UHRF2: variants seen among roughly 807,000 people sequenced by gnomAD.
UHRF2 encodes the protein ubiquitin like with PHD and ring finger domains 2.
A neutral mutation model predicts 96.8 loss-of-function variants in UHRF2; 23 were observed. That is an observed-to-expected ratio of 0.24 (90% confidence interval 0.17 to 0.34). The LOEUF (loss-of-function observed/expected upper bound fraction) is 0.34. Among genes scored for constraint, UHRF2 ranks in the 10% least tolerant of loss-of-function variants. UHRF2 has a pLI of 1.00. For synonymous variants in UHRF2, 385 were observed against 332.6 expected, an observed-to-expected ratio of 1.16 and a Z score of -1.72; for missense variants, 685 against 981.5, an observed-to-expected ratio of 0.70 and a Z score of 4.04.
At chr9:6,457,591 C>G (rs1822258549) in intron 3 of UHRF2, among the ~76,000 whole-genome samples, 1 of 152,166 alleles carries the variant, frequency 6.6e-6, no homozygotes. Context: ...TGCCAGTTTT[C>G]CAAGGGAATT....
intron 10 of UHRF2, chr9:6,496,307 G>T (rs1824962570): frequency 6.6e-6 from 1 of 152,042 alleles, no homozygotes; most frequent in African/African-American, 2.4e-5. Flanking sequence ...TAAGACGTAG[G>T]TGTCCTAGAG....
chr9:6,505,989 G>C, intron 15 of UHRF2, 44 bp from the exon 16 acceptor site: 1 of 1,608,262 alleles, frequency 6.2e-7, no homozygotes, highest in South Asian at 1.1e-5. Context: ...GTACTTACAT[G>C]CTTTATGCTC....
At chr9:6,476,634 G>A (rs1257276273) in intron 5 of UHRF2, among the ~76,000 whole-genome samples, 1 of 151,896 alleles carries the variant, frequency 6.6e-6, no homozygotes, top group African/African-American at 2.4e-5. Context: ...TGCTCTTGTT[G>A]CCCAGGCTGG....
At chr9:6,482,473 G>A (rs1403607544) in intron 8 of UHRF2, among the ~76,000 whole-genome samples, 2 of 152,118 alleles carry the variant, frequency 1.3e-5, no homozygotes, top group Non-Finnish European at 2.9e-5. Context: ...GTTGTTTTTG[G>A]GATTTATCCT....
intron 3 of UHRF2, among the ~76,000 whole-genome samples, chr9:6,457,652 A>C (rs986110884): frequency 9.9e-5 from 15 of 152,168 alleles, no homozygotes. Flanking sequence ...TTTGTCATAA[A>C]TAGCTCTTAT....
intron 2 of UHRF2, 149 bp from the exon 3 acceptor site, chr9:6,433,765 G>A (rs536261351): frequency 2.6e-6 from 2 of 756,702 alleles, no homozygotes; most frequent in Admixed American, 3.0e-5. Context: ...AGAAAGAATA[G>A]TTTTGATCTA....
Position 6,413,431 on chromosome 9 carries a change from G to A in UHRF2, c.-60G>A. The A allele has an allele frequency of 7.6e-7, 1 of 1,318,174 alleles. No individual in the cohort carries two copies. Among genetic ancestry groups the A allele is most frequent in the Non-Finnish European group, 9.8e-7 (1 of 1,021,602 alleles). The allele number at this position is 1,318,174 out of a possible 1,614,324, so 81.7% of individuals were successfully genotyped here. On this transcript the variant is annotated 5_prime_UTR_variant, in exon 1 of 16. Transcript: ENST00000276893. Reference sequence around the variant, plus strand: ...AGGGAAAGCGGCGCGGGCCGGGCGGGGCGCGGCGCCCAGAGCTCAGGGGGA... The same window carrying A: ...AGGGAAAGCGGCGCGGGCCGGGCGGAGCGCGGCGCCCAGAGCTCAGGGGGA...
chr9:6,442,422 G>T (rs533718027), intron 3 of UHRF2, among the ~76,000 whole-genome samples: 1 of 152,114 alleles, frequency 6.6e-6, no homozygotes, highest in East Asian at 1.9e-4. Flanking sequence ...TTTTCAATCA[G>T]TTCAAAAGTT....
intron 10 of UHRF2, 135 bp downstream of exon 10, chr9:6,494,067 G>A (rs1824827691): frequency 2.9e-6 from 2 of 684,176 alleles, no homozygotes; most frequent in Admixed American, 6.1e-5. Flanking sequence ...TCCAGTGCCT[G>A]ATTATGTAAT....
chr9:6,413,714 T>C, intron 1 of UHRF2, 71 bp downstream of exon 1: 1 of 1,373,070 alleles, frequency 7.3e-7, no homozygotes, highest in South Asian at 1.6e-5. Flanking sequence ...GACGCACCGG[T>C]CCGAGGGCTC....
chr9:6,415,936 C>G (rs1819572421), intron 1 of UHRF2, among the ~76,000 whole-genome samples: 1 of 152,224 alleles, frequency 6.6e-6, no homozygotes, highest in African/African-American at 2.4e-5. Context: ...TTAGCTTTAC[C>G]TGAAATCCTC....
rs1481157683 is a variant in UHRF2 at position 6,497,335 on chromosome 9, G to T, written c.1742G>T (p.Gly581Val). 1 of 1,613,894 alleles carries T rather than the reference G, an allele frequency of 6.2e-7. No individual in the cohort carries two copies. ...ATCAGCAAATATGCTCCTGAAGAAGGCAACAGATATGATGGCATTTATAAG... is the reference window on the plus strand; with the variant it reads ...ATCAGCAAATATGCTCCTGAAGAAGTCAACAGATATGATGGCATTTATAAG... The part of the protein sequence containing the change: ...RKISKYAPEE[G>V]NRYDGIYKVV... Residue 581 changes from glycine to valine, a missense_variant, in exon 11 of 16, where the codon GGC becomes GTC. Physicochemically the swap from Gly to Val is moderately radical, Grantham distance 109. This residue lies in a region of UHRF2 where 73 missense variants were observed against 283.7 expected (regional missense o/e 0.26). Transcript: ENST00000276893.
At chr9:6,417,131 G>C (rs190998107) in intron 1 of UHRF2, among the ~76,000 whole-genome samples, 1 of 152,278 alleles carries the variant, frequency 6.6e-6, no homozygotes, top group Admixed American at 6.5e-5. Context: ...CTAGTCAGTA[G>C]TTGCTTGGGA....
At chr9:6,436,428 T>C in intron 3 of UHRF2, among the ~76,000 whole-genome samples, 1 of 152,184 alleles carries the variant, frequency 6.6e-6, no homozygotes, top group Non-Finnish European at 1.5e-5. Flanking sequence ...GTAAGTGGTC[T>C]CTGGGTTTAT....
chr9:6,469,962 T>C (rs1823141023), intron 4 of UHRF2, among the ~76,000 whole-genome samples: 1 of 152,052 alleles, frequency 6.6e-6, no homozygotes, highest in Non-Finnish European at 1.5e-5. Context: ...TGCACAGTGG[T>C]ATATCACAAA....
intron 8 of UHRF2, 37 bp from the exon 9 acceptor site, chr9:6,486,784 C>T (rs369170103): frequency 1.0e-5 from 16 of 1,593,202 alleles, no homozygotes; most frequent in African/African-American, 4.0e-5. Context: ...CTTAACTGTT[C>T]AGAGGTATTT....
intron 3 of UHRF2, among the ~76,000 whole-genome samples, chr9:6,455,991 A>G (rs1822150807): frequency 6.6e-6 from 1 of 152,336 alleles, no homozygotes; most frequent in South Asian, 2.1e-4. Context: ...TCTAAAAACA[A>G]TAAATAAAAA....
intron 4 of UHRF2, among the ~76,000 whole-genome samples, chr9:6,471,068 G>A (rs1823214248): frequency 6.6e-6 from 1 of 152,134 alleles, no homozygotes; most frequent in Admixed American, 6.5e-5. Context: ...TGGATGGTTG[G>A]GATTGTAAGA....
chr9:6,490,449 G>A (rs1368443470), intron 9 of UHRF2, among the ~76,000 whole-genome samples: 1 of 152,170 alleles, frequency 6.6e-6, no homozygotes, highest in African/African-American at 2.4e-5. Context: ...CCAACATGAT[G>A]AAACTCCGTC....
Sources: allele counts gnomAD v4.1 joint callset (sites outside exome capture counted in the v4.1 genomes callset), GRCh38; gene constraint gnomAD v4.1.1; regional missense constraint gnomAD v4.1.1; transcripts MANE v1.5; gene names NCBI Gene and HGNC (gene_info 2026-07-23, HGNC 2026-07-21).